The following HHIP variants were observed in gnomAD, a reference collection of about 807,000 sequenced individuals.
HHIP encodes hedgehog interacting protein, also known as hedgehog-interacting protein.
HHIP carries 12 observed loss-of-function variants against 74.0 expected under a neutral mutation model. The observed-to-expected ratio is 0.16, with a 90% CI of 0.10 to 0.26. HHIP has a LOEUF of 0.26. Among genes scored for constraint, HHIP ranks in the 10% least tolerant of loss-of-function variants. HHIP has a pLI of 1.00. For synonymous variants in HHIP, 309 were observed against 311.6 expected (o/e 0.99, Z 0.09); for missense variants, 788 against 845.0 (o/e 0.93, Z 0.84).
rs1443569956 is a variant in HHIP at position 144,744,948 on chromosome 4, T to G, written c.*6991T>G. On this transcript the variant is annotated 3_prime_UTR_variant, in exon 13 of 13. Transcript: ENST00000296575. ...TGTGCACACACCCATGTATATATAT[T>G]TATCTATCTGTACAAACACTACATA... 6.6e-6 allele frequency: 1 copy of G among 152,230 alleles called. No individual in the cohort carries two copies. The highest frequency in any genetic ancestry group is 2.4e-5 in the African/African-American group (1 of 41,464). The allele number at this position is 152,230 out of a possible 1,614,324, so 9.4% of individuals were successfully genotyped here.
intron 4 of HHIP, among the ~76,000 whole-genome samples, chr4:144,686,274 T>C (rs1729482975): frequency 1.3e-5 from 2 of 152,124 alleles, no homozygotes; most frequent in Non-Finnish European, 1.5e-5. Flanking sequence ...AGTATTATTA[T>C]GACACCAAAC....
At chr4:144,658,077 C>T (rs1485594087) in intron 2 of HHIP, among the ~76,000 whole-genome samples, 1 of 151,946 alleles carries the variant, frequency 6.6e-6, no homozygotes, top group Non-Finnish European at 1.5e-5. Context: ...CTTCTTGATT[C>T]TTGTTTGTTC....
At chr4:144,713,339 C>T (rs1730353385) in intron 8 of HHIP, among the ~76,000 whole-genome samples, 1 of 152,102 alleles carries the variant, frequency 6.6e-6, no homozygotes, top group Non-Finnish European at 1.5e-5. Context: ...TCTCAGTGTG[C>T]TCATTATTTA....
Position 144,715,600 on chromosome 4 carries a change from T to A in HHIP, c.1678+170T>A, listed in dbSNP as rs1425468505. 2.0e-5 allele frequency: 9 copies of A among 444,244 alleles called. No homozygotes were observed. In the Admixed American group the frequency reaches 2.5e-4, roughly 12 times the overall value. The allele number at this position is 444,244 out of a possible 1,614,324, so 27.5% of individuals were successfully genotyped here. A position where few individuals can be genotyped will look rare whatever the true frequency, so the allele number is the denominator to read the frequency against. On this transcript the variant is annotated intron_variant, in intron 10 of 12. Coordinates refer to ENST00000296575, the MANE Select transcript of HHIP (RefSeq NM_022475.3). Reference sequence around the variant, plus strand: ...TAAGATAGTCCAGTTACATATTCTCTACCAGTAACTTTTCCCTGAGAGCCT... The same window carrying A: ...TAAGATAGTCCAGTTACATATTCTCAACCAGTAACTTTTCCCTGAGAGCCT...
At chr4:144,731,346 T>A (rs1245568048) in intron 11 of HHIP, among the ~76,000 whole-genome samples, 1 of 152,220 alleles carries the variant, frequency 6.6e-6, no homozygotes, top group East Asian at 1.9e-4. Flanking sequence ...GAAGTGTTTG[T>A]CCTCATGGAG....
At chr4:144,659,561 T>C in intron 3 of HHIP, 76 bp from the exon 4 acceptor site, 1 of 948,006 alleles carries the variant, frequency 1.1e-6, no homozygotes. Context: ...GAAATAGAGT[T>C]TGAAAAGGAT....
chr4:144,670,899 A>T (rs1729021370), intron 4 of HHIP, among the ~76,000 whole-genome samples: 1 of 152,076 alleles, frequency 6.6e-6, no homozygotes, highest in African/African-American at 2.4e-5. Flanking sequence ...GTAAGTGCAA[A>T]TATCTTTGTG....
rs1731304404 is a variant in HHIP at position 144,742,996 on chromosome 4, ATAATATATATATATTAT to A, written c.*5040_*5056del. 1 of 752 alleles carries A rather than the reference ATAATATATATATATTAT, an allele frequency of 1.3e-3. No homozygotes were observed. 0.0% of individuals were successfully genotyped at this position (752 alleles called of 1,614,324 possible). A position where few individuals can be genotyped will look rare whatever the true frequency, so the allele number is the denominator to read the frequency against. ...GTATATATATATACATTATATATAT[ATAATATATATATATTAT>A]ATATATATAATATATATCTTATATA... On this transcript the variant is annotated 3_prime_UTR_variant, in exon 13 of 13. Transcript: ENST00000296575.
intron 4 of HHIP, among the ~76,000 whole-genome samples, chr4:144,701,220 GC>G (rs1350164676): frequency 6.6e-6 from 1 of 152,022 alleles, no homozygotes; most frequent in Non-Finnish European, 1.5e-5. Context: ...ATACCTGTGT[GC>G]TTGTGTCATG....
intron 11 of HHIP, among the ~76,000 whole-genome samples, chr4:144,734,207 GAA>G (rs1448094945): frequency 1.1e-4 from 16 of 149,420 alleles, no homozygotes; most frequent in Non-Finnish European, 1.6e-4. Flanking sequence ...TATCTCAAAA[GAA>G]ATATAAAATT....
intron 4 of HHIP, among the ~76,000 whole-genome samples, chr4:144,662,926 A>G (rs1728753594): frequency 6.6e-6 from 1 of 152,158 alleles, no homozygotes; most frequent in African/African-American, 2.4e-5. Flanking sequence ...GCAATGATAG[A>G]CTAATGCCTC....
chr4:144,711,322 GT>G (rs1017736564), intron 7 of HHIP, among the ~76,000 whole-genome samples: 1 of 151,942 alleles, frequency 6.6e-6, no homozygotes, highest in African/African-American at 2.4e-5. Flanking sequence ...TAACACTGTT[GT>G]TTTTTTTATG....
At chr4:144,686,839 T>C (rs1240565510) in intron 4 of HHIP, among the ~76,000 whole-genome samples, 1 of 151,882 alleles carries the variant, frequency 6.6e-6, no homozygotes, top group Admixed American at 6.5e-5. Flanking sequence ...CAGAGCTTTC[T>C]GGTAGAACCC....
Position 144,711,953 on chromosome 4 carries a change from T to C in HHIP, c.1305T>C (p.Cys435=). The C allele has an allele frequency of 6.2e-7, 1 of 1,611,754 alleles. No individual in the cohort carries two copies. Among genetic ancestry groups the C allele is most frequent in the Non-Finnish European group, 8.5e-7 (1 of 1,178,806 alleles). ...TGTATCCCCTCTTGTTATGCAGATG[T>C]GCTGTGGATAGACATCCCACTGATA... ...FAHGLHDPGR[C]AVDRHPTDIN... is the part of the protein sequence containing the mutation. The change falls in exon 8 of 13, where the codon TGT becomes TGC. Residue 435 remains cysteine (C), a synonymous_variant. Coordinates refer to ENST00000296575, the MANE Select transcript of HHIP (RefSeq NM_022475.3).
chr4:144,706,477 C>G (rs984654457), intron 4 of HHIP, 54 bp from the exon 5 acceptor site: 1 of 1,423,400 alleles, frequency 7.0e-7, no homozygotes, highest in Admixed American at 2.3e-5. Flanking sequence ...AGTTGAAACA[C>G]AATAAAGAAC....
chr4:144,718,733 G>T lies in HHIP; in HGVS notation c.1679-142G>T, dbSNP rs146565522. 5.3e-4 allele frequency: 350 copies of T among 666,462 alleles called. 2 individuals are homozygous for T. The African/African-American group carries it at 6.1e-3, about 12-fold the overall frequency. 41.3% of individuals were successfully genotyped at this position (666,462 alleles called of 1,614,324 possible). A position where few individuals can be genotyped will look rare whatever the true frequency, so the allele number is the denominator to read the frequency against. On this transcript the variant is annotated intron_variant, in intron 10 of 12. Transcript: ENST00000296575. The stretch of plus-strand genomic sequence containing the variant: ...GGATGCACTGTAAAGGCAGACATGT[G>T]AGACTCTTGCATAATCTTTAGGCAA...
intron 4 of HHIP, among the ~76,000 whole-genome samples, chr4:144,685,131 C>T (rs962562887): frequency 6.6e-6 from 1 of 152,184 alleles, no homozygotes; most frequent in Non-Finnish European, 1.5e-5. Flanking sequence ...CATTTTCCTG[C>T]GTGTCAGCCT....
chr4:144,740,793 A>C lies in HHIP; in HGVS notation c.*2836A>C, dbSNP rs1731245621. 1 of 152,232 alleles carries C rather than the reference A, an allele frequency of 6.6e-6. No homozygotes were observed. The highest frequency in any genetic ancestry group is 1.5e-5 in the Non-Finnish European group (1 of 68,040). The allele number at this position is 152,232 out of a possible 1,614,324, so 9.4% of individuals were successfully genotyped here. On this transcript the variant is annotated 3_prime_UTR_variant, in exon 13 of 13. Coordinates refer to ENST00000296575, the MANE Select transcript of HHIP (RefSeq NM_022475.3). ...GAAGAAAAAAAGGTCCTTCGTAAGA[A>C]TACTGATGCATAAGATAAAGACGAA...
intron 4 of HHIP, among the ~76,000 whole-genome samples, chr4:144,673,465 A>G (rs1729096617): frequency 6.6e-6 from 1 of 152,188 alleles, no homozygotes; most frequent in Non-Finnish European, 1.5e-5. Flanking sequence ...TGTAATTGCT[A>G]ATTCATGAAA....
Sources: gnomAD v4.1 joint callset for allele counts (sites outside exome capture counted in the v4.1 genomes callset) on GRCh38, gnomAD v4.1.1 for gene constraint, MANE v1.5 for transcripts, NCBI Gene and HGNC (gene_info 2026-07-23, HGNC 2026-07-21) for gene names.